The following SLC4A5 variants were observed in gnomAD, a reference collection of about 807,000 sequenced individuals.
SLC4A5 encodes the protein solute carrier family 4 member 5.
SLC4A5 carries 96 observed loss-of-function variants against 120.4 expected under a neutral mutation model. The observed-to-expected ratio is 0.80, with a 90% CI of 0.68 to 0.94. The LOEUF is 0.94. Among genes scored for constraint, SLC4A5 ranks in the 40% least tolerant of loss-of-function variants. The pLI, the probability that SLC4A5 is intolerant of heterozygous loss-of-function variation, is 0.00. For missense variants in SLC4A5, 1,259 were observed against 1,459.5 expected (o/e 0.86, Z 2.24); for synonymous variants, 550 against 571.1 (o/e 0.96, Z 0.53).
At chr2:74,277,544 G>A (rs1307428033) in intron 8 of SLC4A5, among the ~76,000 whole-genome samples, 8 of 152,218 alleles carry the variant, frequency 5.3e-5, no homozygotes, top group East Asian at 1.9e-4. Flanking sequence ...GCGAGACTCC[G>A]TCTCAGAGAC....
chr2:74,325,884 G>C (rs1053381661), intron 5 of SLC4A5, among the ~76,000 whole-genome samples: 19 of 149,926 alleles, frequency 1.3e-4, no homozygotes, highest in African/African-American at 4.7e-4. Flanking sequence ...AAAGGGGAAG[G>C]GGAAGGGGAA....
intron 8 of SLC4A5, among the ~76,000 whole-genome samples, chr2:74,278,485 T>A (rs771141351): frequency 1.8e-4 from 28 of 152,166 alleles, no homozygotes; most frequent in Non-Finnish European, 3.2e-4. Context: ...TAACTGTAAG[T>A]TATCCTAAGT....
chr2:74,341,337 A>C (rs1054230774), intron 2 of SLC4A5, among the ~76,000 whole-genome samples: 2 of 152,052 alleles, frequency 1.3e-5, no homozygotes, highest in Non-Finnish European at 2.9e-5. Context: ...TAAATGTAAA[A>C]GAGCAGTAAG....
At chr2:74,254,131 A>G (rs1670881809) in intron 14 of SLC4A5, among the ~76,000 whole-genome samples, 1 of 151,978 alleles carries the variant, frequency 6.6e-6, no homozygotes, top group South Asian at 2.1e-4. Context: ...GCTCCCCATC[A>G]CTCTGGGGAC....
rs900738267 is a variant in SLC4A5, at chr2:74,224,821, G to A, written c.3246+19C>T. 1.0e-5 allele frequency: 16 copies of A among 1,600,710 alleles called. No individual in the cohort carries two copies. Among genetic ancestry groups the A allele is most frequent in the African/African-American group, 5.4e-5 (4 of 73,644 alleles). On this transcript the variant is annotated intron_variant, in intron 28 of 30. Coordinates refer to ENST00000394019, the Ensembl canonical transcript of SLC4A5. The stretch of plus-strand genomic sequence containing the variant: ...TCTCTCAATTTCTCCTCTGTGCCCC[G>A]GCCTCACATCTTCCCCACCTCCTCA...
intron 24 of SLC4A5, among the ~76,000 whole-genome samples, chr2:74,232,015 G>A (rs1670105570): frequency 6.6e-6 from 1 of 152,204 alleles, no homozygotes; most frequent in South Asian, 2.1e-4. Flanking sequence ...TGAAGGAACA[G>A]GAGTAACAGG....
intron 7 of SLC4A5, among the ~76,000 whole-genome samples, chr2:74,286,535 CCTTA>C (rs1340171666): frequency 3.9e-5 from 6 of 152,192 alleles, no homozygotes; most frequent in Non-Finnish European, 5.9e-5. Flanking sequence ...TTCCTTCCTT[CCTTA>C]CTTTTCTTCA....
chr2:74,225,718 G>C (rs759148512), intron 27 of SLC4A5, among the ~76,000 whole-genome samples: 4 of 152,178 alleles, frequency 2.6e-5, no homozygotes, highest in Non-Finnish European at 4.4e-5. Flanking sequence ...TAGCAGGTCA[G>C]GTAATGCCTG....
intron 21 of SLC4A5, among the ~76,000 whole-genome samples, chr2:74,238,036 A>G (rs1670323472): frequency 6.6e-6 from 1 of 152,148 alleles, no homozygotes; most frequent in Non-Finnish European, 1.5e-5. Context: ...CGGGAGGCGG[A>G]GGTTGCAGTG....
intron 21 of SLC4A5, among the ~76,000 whole-genome samples, chr2:74,237,742 T>C (rs1209967654): frequency 1.3e-5 from 2 of 152,150 alleles, no homozygotes; most frequent in Admixed American, 6.5e-5. Context: ...TTACTGCTTA[T>C]GTATGCAAGT....
exon 23 of SLC4A5, chr2:74,233,519 C>A (rs1359249741): frequency 6.2e-7 from 1 of 1,614,132 alleles, no homozygotes; most frequent in East Asian, 2.2e-5. Flanking sequence ...ACCACGGGTT[C>A]TTCCCAAAGG....
In SLC4A5 at chr2:74,290,553, A is replaced by G. The variant is rs3755439; in HGVS notation, c.272-4651T>C. The G allele has an allele frequency of 0.04, 39,207 of 984,330 alleles. 2,101 individuals carry two copies. In the East Asian group the frequency reaches 0.4, roughly 10 times the overall value. The allele number at this position is 984,330 out of a possible 1,614,324, so 61.0% of individuals were successfully genotyped here. A position where few individuals can be genotyped will look rare whatever the true frequency, so the allele number is the denominator to read the frequency against. On this transcript the variant is annotated intron_variant, in intron 7 of 30. Coordinates refer to ENST00000394019, the Ensembl canonical transcript of SLC4A5. ...GAGAAAGATTATGCAAAAGTGTTTG[A>G]GAGAGAAAAGCTACACTGAGTTAAT...
chr2:74,238,775 G>A (rs1367924789), intron 21 of SLC4A5, among the ~76,000 whole-genome samples: 1 of 152,138 alleles, frequency 6.6e-6, no homozygotes, highest in East Asian at 1.9e-4. Flanking sequence ...AATATCTGCT[G>A]TCCAATATTT....
In SLC4A5 at chr2:74,294,223, A is replaced by G. The variant is rs541538096; in HGVS notation, c.272-8321T>C. Among the ~76,000 whole-genome samples, 4 of 152,282 alleles carry G rather than the reference A, an allele frequency of 2.6e-5. No individual in the cohort carries two copies. In the South Asian group the frequency reaches 8.3e-4, roughly 32 times the overall value. On this transcript the variant is annotated intron_variant, in intron 7 of 30. Transcript: ENST00000394019. ...TCCGTCTTTCCCATCTGAGTTCCCT[A>G]CGCCACTCTGGACCTACCAGGCCTG... is the stretch of plus-strand genomic sequence containing the variant.
chr2:74,236,476 T>C (rs1018907349), intron 21 of SLC4A5, among the ~76,000 whole-genome samples: 2 of 152,188 alleles, frequency 1.3e-5, no homozygotes, highest in African/African-American at 2.4e-5. Context: ...CCCCTCTTCC[T>C]TCCTGTCACA....
At chr2:74,281,111 C>A (rs1671800075) in intron 8 of SLC4A5, among the ~76,000 whole-genome samples, 1 of 152,242 alleles carries the variant, frequency 6.6e-6, no homozygotes, top group South Asian at 2.1e-4. Context: ...TGAAAACATA[C>A]TGATCTGGTT....
chr2:74,223,074 G>A (rs991741300), intron 28 of SLC4A5, 122 bp from the exon 29 acceptor site: 137 of 575,466 alleles, frequency 2.4e-4, no homozygotes, highest in Non-Finnish European at 3.2e-4. Context: ...GTGCGATCTC[G>A]GCTCACTGTA....
intron 23 of SLC4A5, 109 bp downstream of exon 23, chr2:74,233,293 C>T: frequency 2.3e-6 from 3 of 1,308,732 alleles, no homozygotes; most frequent in Non-Finnish European, 2.2e-6. Flanking sequence ...TCTCTGTCCT[C>T]ATATTTTCCT....
chr2:74,221,567 CCCA>C, intron 29 of SLC4A5, 66 bp from the exon 30 acceptor site: 1 of 1,489,268 alleles, frequency 6.7e-7, no homozygotes, highest in East Asian at 2.3e-5. Context: ...CCGGGCTTCC[CCCA>C]CCATTTCCTT....
Sources: gnomAD v4.1 joint callset for allele counts (sites outside exome capture counted in the v4.1 genomes callset) on GRCh38, gnomAD v4.1.1 for gene constraint, MANE v1.5 for transcripts, NCBI Gene and HGNC (gene_info 2026-07-23, HGNC 2026-07-21) for gene names.